NPAS3: variants seen among roughly 807,000 people sequenced by gnomAD.
NPAS3 encodes neuronal PAS domain-containing protein 3.
Under a neutral mutation model 73.1 loss-of-function variants are expected in NPAS3, and 14 were observed. The observed-to-expected ratio is 0.19, with a 90% CI of 0.13 to 0.30. The LOEUF (loss-of-function observed/expected upper bound fraction) is 0.30, where lower values mean the gene tolerates loss of function less well. Ranked by LOEUF, NPAS3 falls within the 10% of genes least tolerant of loss-of-function variation. NPAS3 has a pLI of 1.00. For synonymous variants in NPAS3, 620 were observed against 541.5 expected (o/e 1.14, Z -2.01); for missense variants, 1,096 against 1,250.0 (o/e 0.88, Z 1.86).
chr14:33,281,326 G>T (rs538072402), intron 3 of NPAS3, among the ~76,000 whole-genome samples: 1 of 152,260 alleles, frequency 6.6e-6, no homozygotes, highest in South Asian at 2.1e-4. Context: ...TTTAGAAATA[G>T]ATATTTTAAA....
chr14:32,943,693 CTTT>C (rs11331212), intron 1 of NPAS3, among the ~76,000 whole-genome samples: 14 of 122,288 alleles, frequency 1.1e-4, no homozygotes, highest in Non-Finnish European at 1.4e-4. Flanking sequence ...TTTTCTTTTT[CTTT>C]TTTTTTTTTT....
At chr14:32,942,663 C>T (rs1193174385) in intron 1 of NPAS3, among the ~76,000 whole-genome samples, 2 of 152,122 alleles carry the variant, frequency 1.3e-5, no homozygotes, top group Admixed American at 6.5e-5. Context: ...ATCCCAGTAG[C>T]ACAAGGCTTT....
At chr14:33,338,788 A>G (rs182441472) in intron 3 of NPAS3, among the ~76,000 whole-genome samples, 131 of 152,292 alleles carry the variant, frequency 8.6e-4, no homozygotes, top group Admixed American at 3.1e-3. Context: ...ACATTTTATT[A>G]GGGAATTGAA....
At position 33,391,417 on chromosome 14, in the gene NPAS3, T is replaced by C. The variant is rs573749980; in HGVS notation, c.468+24149T>C. Among the ~76,000 whole-genome samples the C allele has an allele frequency of 2.6e-5, 4 of 152,226 alleles. No individual in the cohort carries two copies. In the East Asian group the frequency reaches 7.7e-4, roughly 29 times the overall value. ...TATGTTGGTTAGGCTGGTCTTGAACTCCCTACCTCAGGTGATCCGCCAGTC... is the reference window on the plus strand; with the variant it reads ...TATGTTGGTTAGGCTGGTCTTGAACCCCCTACCTCAGGTGATCCGCCAGTC... On this transcript the variant is annotated intron_variant, in intron 4 of 11. Transcript: ENST00000356141.
In NPAS3 at chr14:33,774,328, G is replaced by A. The variant is rs1051326479; in HGVS notation, c.853-9G>A. 1.2e-6 allele frequency: 2 copies of A among 1,611,138 alleles called. No individual in the cohort carries two copies. The highest frequency in any genetic ancestry group is 1.7e-5 in the Admixed American group (1 of 59,956). Reference sequence around the variant, plus strand: ...TGACTGGTGTCCTGTACTTAATGTTGTTTTACAGGTGATTCACATAACAGG... The same window carrying A: ...TGACTGGTGTCCTGTACTTAATGTTATTTTACAGGTGATTCACATAACAGG... On this transcript the variant is annotated splice_polypyrimidine_tract_variant and intron_variant, in intron 7 of 11. Coordinates refer to ENST00000356141, the Ensembl canonical transcript of NPAS3.
intron 5 of NPAS3, among the ~76,000 whole-genome samples, chr14:33,590,925 G>A (rs139677334): frequency 6.6e-6 from 1 of 152,302 alleles, no homozygotes; most frequent in African/African-American, 2.4e-5. Context: ...ATACAGTGAT[G>A]TGCACATTAG....
intron 1 of NPAS3, among the ~76,000 whole-genome samples, chr14:32,976,754 A>T (rs909925117): frequency 6.6e-6 from 1 of 152,218 alleles, no homozygotes; most frequent in Non-Finnish European, 1.5e-5. Flanking sequence ...ATTAAAGGCA[A>T]GTAGAAGTAT....
At chr14:33,351,313 A>G (rs991971305) in intron 3 of NPAS3, among the ~76,000 whole-genome samples, 1 of 152,156 alleles carries the variant, frequency 6.6e-6, no homozygotes, top group Non-Finnish European at 1.5e-5. Flanking sequence ...CAAACATGAC[A>G]TGACCGATGA....
In NPAS3 at chr14:33,301,318, A is replaced by ATG. The variant is rs1351272789; in HGVS notation, c.386-65867_386-65866insGT. Among the ~76,000 whole-genome samples, 23 of 97,128 alleles carry ATG rather than the reference A, an allele frequency of 2.4e-4. 4 individuals carry two copies. Among genetic ancestry groups the ATG allele is most frequent in the African/African-American group, 1.0e-3 (23 of 22,854 alleles). 63.7% of individuals were successfully genotyped at this position (97,128 alleles called of 152,430 possible). A position where few individuals can be genotyped will look rare whatever the true frequency, so the allele number is the denominator to read the frequency against. Reference sequence around the variant, plus strand: ...CTAGGTTTTATCATTATATATATATATATATTTTTTTTTTTTAAATCTAGC... The same window carrying ATG: ...CTAGGTTTTATCATTATATATATATATGTATATTTTTTTTTTTTAAATCTAGC... On this transcript the variant is annotated intron_variant, in intron 3 of 11. Coordinates refer to ENST00000356141, the Ensembl canonical transcript of NPAS3.
intron 5 of NPAS3, among the ~76,000 whole-genome samples, chr14:33,647,269 ACTCTCTCT>A (rs536728235): frequency 2.6e-4 from 39 of 148,158 alleles, no homozygotes; most frequent in African/African-American, 7.0e-4. Context: ...ACATCTTCTT[ACTCTCTCT>A]CTCTCTCTCT....
intron 3 of NPAS3, among the ~76,000 whole-genome samples, chr14:33,335,068 G>GTGTGTGTGTGTGTGTGTGTGTGTA (rs1366925163): frequency 5.3e-5 from 8 of 150,944 alleles, no homozygotes; most frequent in African/African-American, 1.7e-4. Flanking sequence ...GTGTGTGTGT[G>GTGTGTGTGTGTGTGTGTGTGTGTA]TGTATCACAT....
intron 2 of NPAS3, among the ~76,000 whole-genome samples, chr14:33,162,502 C>T (rs1259504184): frequency 2.0e-5 from 3 of 152,138 alleles, no homozygotes; most frequent in Non-Finnish European, 4.4e-5. Flanking sequence ...AAGCTAAATA[C>T]AATTTATTAA....
At chr14:33,049,387 A>C (rs892172290) in intron 1 of NPAS3, among the ~76,000 whole-genome samples, 1 of 152,198 alleles carries the variant, frequency 6.6e-6, no homozygotes, top group Non-Finnish European at 1.5e-5. Context: ...AGACTGGGCA[A>C]TTTACAAAGG....
intron 2 of NPAS3, among the ~76,000 whole-genome samples, chr14:33,104,290 G>A (rs1243827312): frequency 1.3e-5 from 2 of 152,126 alleles, no homozygotes; most frequent in African/African-American, 4.8e-5. Context: ...GGGTTGTCAT[G>A]ATTTTTAAAA....
At chr14:33,587,220 G>C (rs892212850) in intron 5 of NPAS3, among the ~76,000 whole-genome samples, 2 of 152,108 alleles carry the variant, frequency 1.3e-5, no homozygotes, top group Non-Finnish European at 1.5e-5. Flanking sequence ...TCCATATTTA[G>C]TGTTGTCTCC....
chr14:32,986,659 T>C (rs1396743916), intron 1 of NPAS3, among the ~76,000 whole-genome samples: 1 of 152,226 alleles, frequency 6.6e-6, no homozygotes, highest in Non-Finnish European at 1.5e-5. Context: ...ACATTTTTAA[T>C]AGTGGCATAA....
intron 5 of NPAS3, among the ~76,000 whole-genome samples, chr14:33,672,035 G>T (rs192071511): frequency 6.6e-6 from 1 of 152,248 alleles, no homozygotes; most frequent in Admixed American, 6.5e-5. Flanking sequence ...GGATAGTTAA[G>T]AAATATTAAT....
At chr14:33,227,386 G>T (rs1209855368) in intron 3 of NPAS3, among the ~76,000 whole-genome samples, 1 of 152,122 alleles carries the variant, frequency 6.6e-6, no homozygotes, top group Non-Finnish European at 1.5e-5. Flanking sequence ...CTTTTACTGA[G>T]ATTAGAAAAG....
At chr14:32,977,546 A>G (rs1196099823) in intron 1 of NPAS3, among the ~76,000 whole-genome samples, 1 of 152,104 alleles carries the variant, frequency 6.6e-6, no homozygotes, top group African/African-American at 2.4e-5. Context: ...AATCTGGGCA[A>G]CATAGAAAGA....
Sources: gnomAD v4.1 joint callset for allele counts (sites outside exome capture counted in the v4.1 genomes callset) on GRCh38, gnomAD v4.1.1 for gene constraint, MANE v1.5 for transcripts, NCBI Gene and HGNC (gene_info 2026-07-23, HGNC 2026-07-21) for gene names.